Variants in MROH2B observed in about 807,000 individuals in gnomAD.
MROH2B encodes maestro heat like repeat family member 2B.
A neutral mutation model predicts 208.6 loss-of-function variants in MROH2B; 177 were observed. The ratio of observed to expected loss-of-function variants is 0.85; its 90% CI spans 0.75 to 0.96. MROH2B has a LOEUF of 0.96. Among genes scored for constraint, MROH2B ranks in the 40% least tolerant of loss-of-function variants. The pLI, the probability that MROH2B is intolerant of heterozygous loss-of-function variation, is 0.00. For synonymous variants in MROH2B, 728 were observed against 659.0 expected, an observed-to-expected ratio of 1.10 and a Z score of -1.60; for missense variants, 2,002 against 1,878.7, an observed-to-expected ratio of 1.07 and a Z score of -1.21.
rs138520522 is a variant in MROH2B at position 41,066,161 on chromosome 5, G to A, written c.202-671C>T. On this transcript the variant is annotated intron_variant, in intron 3 of 41. Coordinates refer to ENST00000399564, the MANE Select transcript of MROH2B (RefSeq NM_173489.5). ...TGAAAGGAAATGGGCTAGGAATTGA[G>A]AACTTTGGTTTTGATGTTAATCTGG... Among the ~76,000 whole-genome samples, 477 of 152,288 alleles carry A rather than the reference G, an allele frequency of 3.1e-3. 1 individual carries two copies. Among genetic ancestry groups the A allele is most frequent in the African/African-American group, 0.011 (460 of 41,552 alleles).
At chr5:41,070,589 C>T (rs1447565795) in intron 1 of MROH2B, among the ~76,000 whole-genome samples, 1 of 152,170 alleles carries the variant, frequency 6.6e-6, no homozygotes, top group Non-Finnish European at 1.5e-5. Context: ...GCCACTTTCT[C>T]CTCAGGTAGA....
chr5:41,026,239 T>G (rs1305328116), intron 24 of MROH2B, among the ~76,000 whole-genome samples: 1 of 152,170 alleles, frequency 6.6e-6, no homozygotes, highest in Non-Finnish European at 1.5e-5. Flanking sequence ...AAAGAGGAAG[T>G]CAAGTTGTCC....
rs35715531 is a variant in MROH2B, at chr5:41,036,129, TACAC to T, written c.2215-2269_2215-2266del. On this transcript the variant is annotated intron_variant, in intron 21 of 41. Coordinates refer to ENST00000399564, the MANE Select transcript of MROH2B (RefSeq NM_173489.5). ...ATGTGGGAGATACATATATTATATA[TACAC>T]ACACACACACACACACACACCCCAC... Among the ~76,000 whole-genome samples, 611 of 149,192 alleles carry T rather than the reference TACAC, an allele frequency of 4.1e-3. 5 individuals carry two copies. The highest frequency in any genetic ancestry group is 0.014 in the African/African-American group (581 of 40,500).
chr5:41,043,538 T>C (rs1365202107), intron 18 of MROH2B, among the ~76,000 whole-genome samples: 1 of 152,200 alleles, frequency 6.6e-6, no homozygotes, highest in Non-Finnish European at 1.5e-5. Flanking sequence ...TGCCTCCCAG[T>C]CCTGCTGACC....
intron 24 of MROH2B, among the ~76,000 whole-genome samples, chr5:41,019,358 A>G (rs1196285473): frequency 2.1e-5 from 3 of 143,774 alleles, no homozygotes; most frequent in Non-Finnish European, 4.6e-5. Flanking sequence ...GAGAGTGAGA[A>G]AGAGAGAGAG....
chr5:41,068,541 T>C (rs1743880660), intron 2 of MROH2B, among the ~76,000 whole-genome samples: 1 of 152,238 alleles, frequency 6.6e-6, no homozygotes, highest in African/African-American at 2.4e-5. Flanking sequence ...GATGCTACAA[T>C]TTGAAACCAA....
At chr5:41,023,688 C>T (rs1742243060) in intron 24 of MROH2B, among the ~76,000 whole-genome samples, 1 of 151,980 alleles carries the variant, frequency 6.6e-6, no homozygotes, top group African/African-American at 2.4e-5. Flanking sequence ...GAAAATGCCA[C>T]AAAGATACTC....
At position 41,071,336 on chromosome 5, in the gene MROH2B, A is replaced by G. The variant is rs1579968194; in HGVS notation, c.-484T>C. The stretch of plus-strand genomic sequence containing the variant: ...GTTACACTTAGTGAAAATCAGTCAT[A>G]TGAACTGAGCATGCTCAGTGGACTG... On this transcript the variant is annotated 5_prime_UTR_variant, in exon 1 of 42. Coordinates refer to ENST00000399564, the MANE Select transcript of MROH2B (RefSeq NM_173489.5). The G allele has an allele frequency of 6.1e-6, 1 of 164,366 alleles. No individual in the cohort carries two copies. The highest frequency in any genetic ancestry group is 1.7e-4 in the East Asian group (1 of 5,922). The allele number at this position is 164,366 out of a possible 1,614,324, so 10.2% of individuals were successfully genotyped here. A position where few individuals can be genotyped will look rare whatever the true frequency, so the allele number is the denominator to read the frequency against.
Position 41,008,767 on chromosome 5 carries a change from G to A in MROH2B, c.3447C>T (p.Ile1149=). The A allele has an allele frequency of 1.2e-6, 2 of 1,613,550 alleles. No individual in the cohort carries two copies. Among genetic ancestry groups the A allele is most frequent in the Non-Finnish European group, 1.7e-6 (2 of 1,179,678 alleles). Residue 1149 remains isoleucine, a synonymous_variant, in exon 33 of 42, where the codon ATC becomes ATT. Coordinates refer to ENST00000399564, the MANE Select transcript of MROH2B (RefSeq NM_173489.5). ...ISVACAMYEV[I]SMGTSVTGLY... is the part of the protein sequence containing the mutation. Reference sequence around the variant, plus strand: ...AGCCGGTGACAGAGGTGCCCATTGAGATCACTTCATACATAGCACAGGCCA... The same window carrying A: ...AGCCGGTGACAGAGGTGCCCATTGAAATCACTTCATACATAGCACAGGCCA...
At chr5:41,029,343 T>C (rs1742486593) in intron 24 of MROH2B, among the ~76,000 whole-genome samples, 1 of 152,190 alleles carries the variant, frequency 6.6e-6, no homozygotes, top group Admixed American at 6.6e-5. Context: ...TATTGAGTTG[T>C]ATGAATTCTT....
intron 24 of MROH2B, among the ~76,000 whole-genome samples, chr5:41,030,011 G>C (rs325820): frequency 0.15 from 23,038 of 151,826 alleles, 1,823 homozygotes; most frequent in East Asian, 0.26. Context: ...AATCAGCAGA[G>C]TGAAAAGGCA....
chr5:41,026,287 C>T (rs937546788), intron 24 of MROH2B, among the ~76,000 whole-genome samples: 20 of 152,124 alleles, frequency 1.3e-4, no homozygotes, highest in Non-Finnish European at 2.6e-4. Context: ...CTAGAAAACC[C>T]CATTGTCTCA....
intron 18 of MROH2B, among the ~76,000 whole-genome samples, chr5:41,043,962 G>T (rs6893934): frequency 0.12 from 17,925 of 152,014 alleles, 1,168 homozygotes; most frequent in African/African-American, 0.17. Flanking sequence ...ATCATAGGCA[G>T]GTTGCGGTGG....
intron 37 of MROH2B, among the ~76,000 whole-genome samples, chr5:41,003,272 T>C (rs899666414): frequency 2.6e-5 from 4 of 152,078 alleles, no homozygotes; most frequent in Non-Finnish European, 5.9e-5. Flanking sequence ...AAAAGTGATA[T>C]TGGTTAATTG....
At position 41,004,336 on chromosome 5, in the gene MROH2B, G is replaced by T; in HGVS notation, c.4194+10C>A. On this transcript the variant is annotated intron_variant, in intron 37 of 41. Transcript: ENST00000399564. ...TCTGGGGAGGGAAGTTCCTAAACAGGCTCACTTACATCTTCAAAGAAGGTC... is the reference window on the plus strand; with the variant it reads ...TCTGGGGAGGGAAGTTCCTAAACAGTCTCACTTACATCTTCAAAGAAGGTC... 1 of 1,610,330 alleles carries T rather than the reference G, an allele frequency of 6.2e-7. No individual in the cohort carries two copies. The highest frequency in any genetic ancestry group is 8.5e-7 in the Non-Finnish European group (1 of 1,178,816).
chr5:41,009,140 C>T (rs1450658), intron 32 of MROH2B, 140 bp downstream of exon 32: 985,606 of 1,207,622 alleles, frequency 0.82, 403,735 homozygotes, highest in African/African-American at 0.87. Flanking sequence ...AGTAGAGCCA[C>T]AACTATAAAC....
intron 24 of MROH2B, among the ~76,000 whole-genome samples, chr5:41,025,104 C>T (rs904638530): frequency 6.6e-6 from 1 of 152,106 alleles, no homozygotes; most frequent in Admixed American, 6.6e-5. Flanking sequence ...AATTGACACC[C>T]TAACATCACA....
chr5:41,065,409 C>T lies in MROH2B; in HGVS notation c.283G>A (p.Val95Ile), dbSNP rs1187746580. Residue 95 changes from valine (V) to isoleucine (I), a missense_variant, in exon 4 of 42, where the codon GTA becomes ATA. By Grantham distance (29) the Val-to-Ile change is conservative. Coordinates refer to ENST00000399564, the MANE Select transcript of MROH2B (RefSeq NM_173489.5). ...AHDFNSVMYE[V>I]QSNFRILELP... is the part of the protein sequence containing the mutation. ...TCTAAGATCCTGAAGTTACTTTGTA[C>T]TTCATACATCACAGAGTTGAAATCA... 2 of 1,613,588 alleles carry T rather than the reference C, an allele frequency of 1.2e-6. No homozygotes were observed. The highest frequency in any genetic ancestry group is 1.1e-5 in the South Asian group (1 of 91,032).
chr5:41,041,769 AG>A (rs376803531), intron 19 of MROH2B, among the ~76,000 whole-genome samples: 5,743 of 152,318 alleles, frequency 0.038, 120 homozygotes, highest in Middle Eastern at 0.071. Flanking sequence ...AGATTAGTCT[AG>A]ATTAGTCTAT....
Sources: gnomAD v4.1 joint callset for allele counts (sites outside exome capture counted in the v4.1 genomes callset) on GRCh38, gnomAD v4.1.1 for gene constraint, MANE v1.5 for transcripts, NCBI Gene and HGNC (gene_info 2026-07-23, HGNC 2026-07-21) for gene names.